The following ADGRB3 variants were observed in gnomAD, a reference collection of about 807,000 sequenced individuals.
ADGRB3 encodes brain-specific angiogenesis inhibitor 3.
A neutral mutation model predicts 193.4 loss-of-function variants in ADGRB3; 37 were observed. The ratio of observed to expected loss-of-function variants is 0.19; its 90% confidence interval spans 0.15 to 0.25. ADGRB3 has a LOEUF of 0.25. Among genes scored for constraint, ADGRB3 ranks in the 10% least tolerant of loss-of-function variants. The probability of loss-of-function intolerance (pLI) is 1.00; values close to 1 mark genes in which losing one functional copy is unlikely to be tolerated. For missense variants in ADGRB3, 1,637 were observed against 1,852.9 expected (o/e 0.88, Z 2.14); for synonymous variants, 690 against 644.2 (o/e 1.07, Z -1.08).
intron 30 of ADGRB3, among the ~76,000 whole-genome samples, chr6:69,378,306 A>G (rs1004395915): frequency 2.6e-5 from 4 of 152,084 alleles, no homozygotes; most frequent in African/African-American, 4.8e-5. Flanking sequence ...TTAAAAAGAC[A>G]TAATTACAAA....
At chr6:68,683,710 A>G (rs1582121509) in intron 3 of ADGRB3, among the ~76,000 whole-genome samples, 1 of 152,268 alleles carries the variant, frequency 6.6e-6, no homozygotes, top group East Asian at 1.9e-4. Context: ...GAGATGTAGG[A>G]CTAATGGAAG....
At chr6:69,263,295 C>A (rs1237452531) in intron 20 of ADGRB3, among the ~76,000 whole-genome samples, 1 of 152,040 alleles carries the variant, frequency 6.6e-6, no homozygotes, top group African/African-American at 2.4e-5. Flanking sequence ...TATTCTCATT[C>A]ATATACTATA....
chr6:68,745,551 A>G (rs1766067473), intron 3 of ADGRB3, among the ~76,000 whole-genome samples: 1 of 152,074 alleles, frequency 6.6e-6, no homozygotes, highest in African/African-American at 2.4e-5. Context: ...AATAATTAGT[A>G]AAGTTTGTTA....
intron 17 of ADGRB3, among the ~76,000 whole-genome samples, chr6:69,110,043 G>A (rs2150325198): frequency 6.6e-6 from 1 of 150,646 alleles, no homozygotes; most frequent in East Asian, 2.0e-4. Context: ...CACCTCCCGG[G>A]TTCAAGCGAT....
At chr6:68,768,272 G>A (rs36141634) in intron 3 of ADGRB3, among the ~76,000 whole-genome samples, 3 of 152,114 alleles carry the variant, frequency 2.0e-5, no homozygotes, top group South Asian at 4.1e-4. Context: ...GAGGCATCAC[G>A]CAACCTGACT....
chr6:68,976,598 A>G (rs1034489289), intron 10 of ADGRB3, among the ~76,000 whole-genome samples: 35 of 152,330 alleles, frequency 2.3e-4, no homozygotes, highest in African/African-American at 8.2e-4. Context: ...CATATGTTAC[A>G]TATATTTTGT....
At chr6:69,190,752 A>G (rs1765169543) in intron 17 of ADGRB3, among the ~76,000 whole-genome samples, 2 of 152,112 alleles carry the variant, frequency 1.3e-5, no homozygotes, top group African/African-American at 4.8e-5. Context: ...AGCTCCCTTC[A>G]TGGTGATTGC....
intron 29 of ADGRB3, among the ~76,000 whole-genome samples, chr6:69,370,469 T>C (rs555725019): frequency 7.9e-5 from 12 of 152,276 alleles, no homozygotes; most frequent in African/African-American, 2.9e-4. Flanking sequence ...GATTTGTTCA[T>C]TCCTTAGTCT....
intron 8 of ADGRB3, among the ~76,000 whole-genome samples, chr6:68,973,780 G>T (rs1258061921): frequency 6.6e-6 from 1 of 152,110 alleles, no homozygotes; most frequent in African/African-American, 2.4e-5. Flanking sequence ...TGACAATTTT[G>T]TATGAAAAGC....
chr6:69,326,288 C>T (rs1768566701), intron 21 of ADGRB3, among the ~76,000 whole-genome samples: 1 of 152,128 alleles, frequency 6.6e-6, no homozygotes, highest in South Asian at 2.1e-4. Flanking sequence ...AGAATTTCAT[C>T]AAATTTTTGT....
At chr6:69,285,207 A>G (rs1451855243) in intron 20 of ADGRB3, among the ~76,000 whole-genome samples, 1 of 152,200 alleles carries the variant, frequency 6.6e-6, no homozygotes, top group Non-Finnish European at 1.5e-5. Context: ...AATAGATACT[A>G]TACACTGAGT....
At chr6:69,058,397 CTT>C (rs1162010430) in intron 15 of ADGRB3, among the ~76,000 whole-genome samples, 2 of 151,702 alleles carry the variant, frequency 1.3e-5, no homozygotes, top group Non-Finnish European at 2.9e-5. Context: ...AAAATCAACT[CTT>C]AGTTTTGTTG....
chr6:68,795,265 TA>T (rs568990118), intron 3 of ADGRB3, among the ~76,000 whole-genome samples: 29 of 150,402 alleles, frequency 1.9e-4, no homozygotes, highest in African/African-American at 6.3e-4. Flanking sequence ...CTGGCATTTC[TA>T]AAAAAAAAGA....
chr6:69,253,897 A>G (rs1377499174), intron 20 of ADGRB3, among the ~76,000 whole-genome samples: 1 of 152,042 alleles, frequency 6.6e-6, no homozygotes, highest in South Asian at 2.1e-4. Flanking sequence ...CTCATGAGCC[A>G]TTTTTTTCTT....
chr6:68,824,751 T>C (rs1243342299), intron 3 of ADGRB3, among the ~76,000 whole-genome samples: 1 of 151,188 alleles, frequency 6.6e-6, no homozygotes, highest in African/African-American at 2.4e-5. Flanking sequence ...GTCTCATCTT[T>C]TTTTATAGTA....
chr6:69,314,421 A>G (rs1008367834), intron 20 of ADGRB3, among the ~76,000 whole-genome samples: 2 of 151,610 alleles, frequency 1.3e-5, no homozygotes, highest in African/African-American at 4.8e-5. Context: ...ACATAACTTT[A>G]TATTGACAGT....
chr6:69,068,489 C>T (rs773791216), intron 16 of ADGRB3, among the ~76,000 whole-genome samples: 1 of 152,190 alleles, frequency 6.6e-6, no homozygotes, highest in Middle Eastern at 3.4e-3. Flanking sequence ...CTGAGAGGTA[C>T]ACCAGACTTT....
At chr6:68,722,288 A>G (rs1208780153) in intron 3 of ADGRB3, among the ~76,000 whole-genome samples, 1 of 151,770 alleles carries the variant, frequency 6.6e-6, no homozygotes, top group African/African-American at 2.4e-5. Flanking sequence ...GAACACATGG[A>G]CACAGGGAGG....
intron 3 of ADGRB3, among the ~76,000 whole-genome samples, chr6:68,738,023 G>A (rs1582160535): frequency 6.6e-6 from 1 of 152,262 alleles, no homozygotes; most frequent in East Asian, 1.9e-4. Flanking sequence ...GAATGGACAA[G>A]TTTGACTAAA....
Sources: gnomAD v4.1 joint callset for allele counts (sites outside exome capture counted in the v4.1 genomes callset) on GRCh38, gnomAD v4.1.1 for gene constraint, MANE v1.5 for transcripts, NCBI Gene and HGNC (gene_info 2026-07-23, HGNC 2026-07-21) for gene names.